The following TGS1 variants were observed in gnomAD, a reference collection of about 807,000 sequenced individuals.
TGS1 encodes trimethylguanosine synthase.
Under a neutral mutation model 92.2 loss-of-function variants are expected in TGS1, and 69 were observed. The observed-to-expected ratio is 0.75, with a 90% CI of 0.62 to 0.91. The LOEUF (loss-of-function observed/expected upper bound fraction) is 0.91. Among genes scored for constraint, TGS1 ranks in the 40% least tolerant of loss-of-function variants. TGS1 has a pLI of 0.00. For missense variants in TGS1, 1,062 were observed against 1,001.2 expected (o/e 1.06, Z -0.82); for synonymous variants, 345 against 338.1 (o/e 1.02, Z -0.22).
At chr8:55,777,395 A>G (rs894932856) in intron 1 of TGS1, among the ~76,000 whole-genome samples, 1 of 151,390 alleles carries the variant, frequency 6.6e-6, no homozygotes, top group Non-Finnish European at 1.5e-5. Context: ...TACTGTTGGT[A>G]TAGCAACAAT....
At chr8:55,782,857 C>A in intron 2 of TGS1, 45 bp downstream of exon 2, 1 of 1,252,874 alleles carries the variant, frequency 8.0e-7, no homozygotes, top group Non-Finnish European at 1.1e-6. Context: ...CTGAAATTAG[C>A]CATAATGTGT....
intron 12 of TGS1, among the ~76,000 whole-genome samples, chr8:55,813,344 T>C (rs1803387719): frequency 6.6e-6 from 1 of 152,236 alleles, no homozygotes; most frequent in Non-Finnish European, 1.5e-5. Flanking sequence ...CACTCTAGGC[T>C]TTGACTAGAC....
intron 10 of TGS1, among the ~76,000 whole-genome samples, chr8:55,806,423 G>A (rs1198196583): frequency 2.1e-5 from 3 of 142,944 alleles, no homozygotes; most frequent in East Asian, 2.1e-4. Flanking sequence ...ATATAGTACT[G>A]TAAATGTAGT....
intron 12 of TGS1, among the ~76,000 whole-genome samples, chr8:55,817,178 T>C (rs1585794846): frequency 6.6e-6 from 1 of 152,340 alleles, no homozygotes; most frequent in Admixed American, 6.5e-5. Flanking sequence ...CTCTCCTTAG[T>C]TGGCAGAGTA....
chr8:55,812,937 A>C, intron 11 of TGS1, 103 bp from the exon 12 acceptor site: 1 of 891,014 alleles, frequency 1.1e-6, no homozygotes. Flanking sequence ...TTTGCCTTTT[A>C]GTTACATTTT....
At chr8:55,791,692 T>G (rs1320278681) in intron 5 of TGS1, among the ~76,000 whole-genome samples, 3 of 152,208 alleles carry the variant, frequency 2.0e-5, no homozygotes, top group Non-Finnish European at 4.4e-5. Flanking sequence ...TTTGGACATT[T>G]CATGAGGCCA....
chr8:55,816,052 C>T (rs1010327235), intron 12 of TGS1, among the ~76,000 whole-genome samples: 7 of 152,016 alleles, frequency 4.6e-5, no homozygotes, highest in African/African-American at 7.2e-5. Flanking sequence ...TTCCTGGGCT[C>T]AAGTGATCCT....
At chr8:55,777,488 C>T (rs1811434521) in intron 1 of TGS1, among the ~76,000 whole-genome samples, 1 of 152,106 alleles carries the variant, frequency 6.6e-6, no homozygotes, top group Non-Finnish European at 1.5e-5. Context: ...CTATCTTCAG[C>T]TGTCTTTGCT....
intron 6 of TGS1, among the ~76,000 whole-genome samples, chr8:55,795,669 TTTCG>T (rs1283805016): frequency 3.3e-5 from 5 of 152,076 alleles, no homozygotes; most frequent in Admixed American, 2.0e-4. Flanking sequence ...GGGATAGGGT[TTTCG>T]TTTGTTTGTT....
intron 6 of TGS1, among the ~76,000 whole-genome samples, chr8:55,793,311 G>A (rs1048156603): frequency 1.3e-5 from 2 of 152,168 alleles, no homozygotes; most frequent in African/African-American, 2.4e-5. Flanking sequence ...GGGCAATATA[G>A]GGAGACCCCA....
Position 55,802,507 on chromosome 8 carries a change from C to T in TGS1, c.1900C>T (p.Leu634=), listed in dbSNP as rs757148186. 6.2e-7 allele frequency: 1 copy of T among 1,613,872 alleles called. No homozygotes were observed. The highest frequency in any genetic ancestry group is 2.2e-5 in the East Asian group (1 of 44,886). ...GAAGAAGAACAAAAAGGTGAATGGT[C>T]TGCCTCCTGAAATAGCTGCTGTTCC... The part of the protein sequence containing the change: ...NKKKNKKVNG[L]PPEIAAVPEL... The change falls in exon 9 of 13, where the codon CTG becomes TTG. Residue 634 remains leucine, a synonymous_variant. Transcript: ENST00000260129.
At chr8:55,802,736 C>G in intron 9 of TGS1, 130 bp downstream of exon 9, 3 of 847,750 alleles carry the variant, frequency 3.5e-6, no homozygotes, top group Non-Finnish European at 5.2e-6. Context: ...CATTTTGCCC[C>G]GTTTACGTTC....
At position 55,791,718 on chromosome 8, in the gene TGS1, A is replaced by G. The variant is rs1811889903; in HGVS notation, c.1281-980A>G. ...CATGAGGCCACCTCATTCTGTGCTT[A>G]TGTCCCAAACTGCAGTTCTGTTTTT... On this transcript the variant is annotated intron_variant, in intron 5 of 12. Transcript: ENST00000260129. Among the ~76,000 whole-genome samples the G allele has an allele frequency of 1.3e-5, 2 of 152,156 alleles. 1 individual carries two copies. Among genetic ancestry groups the G allele is most frequent in the South Asian group, 4.1e-4 (2 of 4,832 alleles).
intron 8 of TGS1, among the ~76,000 whole-genome samples, chr8:55,800,636 C>T (rs1812190943): frequency 6.6e-6 from 1 of 152,192 alleles, no homozygotes; most frequent in Non-Finnish European, 1.5e-5. Context: ...AATGTTAGGT[C>T]ATGTACAGGA....
rs1269628533 is a variant in TGS1 at position 55,798,976 on chromosome 8, T to A, written c.1605T>A (p.Ser535=). 2 of 1,613,606 alleles carry A rather than the reference T, an allele frequency of 1.2e-6. No individual in the cohort carries two copies. Among genetic ancestry groups the A allele is most frequent in the African/African-American group, 2.7e-5 (2 of 74,778 alleles). Residue 535 remains serine, a synonymous_variant, in exon 8 of 13, where the codon TCT becomes TCA. Coordinates refer to ENST00000260129, the MANE Select transcript of TGS1 (RefSeq NM_024831.8). ...PMDEEASQES[S]SHDNVHDAST... ...ATGAAGAAGCATCACAGGAATCATC[T>A]TCTCATGACAATGTGCACGACGCTT...
rs1469462023 is a variant in TGS1, at chr8:55,815,427, CAG to C, written c.2439+2310_2439+2311del. Among the ~76,000 whole-genome samples, 4 of 152,032 alleles carry C rather than the reference CAG, an allele frequency of 2.6e-5. No individual in the cohort carries two copies. In the East Asian group the frequency reaches 7.7e-4, roughly 29 times the overall value. On this transcript the variant is annotated intron_variant, in intron 12 of 12. Transcript: ENST00000260129. ...GTAGGACCTTTTTAATGAGAGGAGA[CAG>C]TACTAAAAATTGAGAGAAATCACAG...
chr8:55,789,044 CA>C (rs1442529812), intron 4 of TGS1, among the ~76,000 whole-genome samples: 1 of 152,152 alleles, frequency 6.6e-6, no homozygotes, highest in African/African-American at 2.4e-5. Flanking sequence ...TGTCTGCCAT[CA>C]GGATGAATTT....
chr8:55,792,007 C>T (rs1030993698), intron 5 of TGS1, among the ~76,000 whole-genome samples: 17 of 152,198 alleles, frequency 1.1e-4, no homozygotes, highest in Non-Finnish European at 1.6e-4. Flanking sequence ...GAAAAACAAG[C>T]GTGCCTCTAC....
At chr8:55,806,936 C>CT (rs201823633) in intron 10 of TGS1, among the ~76,000 whole-genome samples, 16,861 of 145,724 alleles carry the variant, frequency 0.12, 1,206 homozygotes, top group Middle Eastern at 0.17. Context: ...TTTTTTTTTT[C>CT]TTTTTTTTTG....
Sources: gnomAD v4.1 joint callset for allele counts (sites outside exome capture counted in the v4.1 genomes callset) on GRCh38, gnomAD v4.1.1 for gene constraint, MANE v1.5 for transcripts, NCBI Gene and HGNC (gene_info 2026-07-23, HGNC 2026-07-21) for gene names.